C10orf67: variants seen among roughly 807,000 people sequenced by gnomAD.
C10orf67 encodes uncharacterized protein C10orf67, mitochondrial.
Under a neutral mutation model 35.6 loss-of-function variants are expected in C10orf67, and 60 were observed. The observed-to-expected ratio is 1.68, with a 90% CI of 1.37 to 2.09. C10orf67 has a LOEUF of 2.09. C10orf67 is among the 30% of genes most tolerant of loss of function. The probability of loss-of-function intolerance (pLI) is 0.00; values close to 1 mark genes in which losing one functional copy is unlikely to be tolerated. For missense variants in C10orf67, 474 were observed against 330.2 expected, an observed-to-expected ratio of 1.44 and a Z score of -3.38; for synonymous variants, 167 against 115.8, an observed-to-expected ratio of 1.44 and a Z score of -2.84.
chr10:23,246,845 G>T (rs58625579), intron 12 of C10orf67, among the ~76,000 whole-genome samples: 2 of 152,152 alleles, frequency 1.3e-5, no homozygotes, highest in Admixed American at 6.5e-5. Flanking sequence ...GTATGTTTGA[G>T]ACAGGGTCTC....
chr10:23,278,623 G>A (rs1203927278), intron 8 of C10orf67, among the ~76,000 whole-genome samples: 3 of 152,162 alleles, frequency 2.0e-5, no homozygotes, highest in Non-Finnish European at 4.4e-5. Flanking sequence ...ACGCCAGCAT[G>A]AGGGTGGGCA....
intron 5 of C10orf67, among the ~76,000 whole-genome samples, chr10:23,299,683 A>G (rs1844004663): frequency 6.6e-6 from 1 of 152,124 alleles, no homozygotes; most frequent in African/African-American, 2.4e-5. Context: ...ACAGGAGAGT[A>G]AGACTGAGAA....
At chr10:23,227,918 A>G (rs1358568372) in intron 13 of C10orf67, among the ~76,000 whole-genome samples, 1 of 152,210 alleles carries the variant, frequency 6.6e-6, no homozygotes, top group African/African-American at 2.4e-5. Flanking sequence ...ACTACAAACC[A>G]CTGCTCATCG....
rs1443629918 is a variant in C10orf67 at position 23,236,251 on chromosome 10, GGGAAAAAA to G, written c.1434+3470_1434+3477del. ...GCGACAGAGCGAGACTCCCTCTCGG[GGGAAAAAA>G]AAAAAAAAAAAAAAAAAAAAAAAAT... is the stretch of plus-strand genomic sequence containing the variant. On this transcript the variant is annotated intron_variant, in intron 13 of 15. Transcript: ENST00000636213. Among the ~76,000 whole-genome samples, 122 of 94,538 alleles carry G rather than the reference GGGAAAAAA, an allele frequency of 1.3e-3. 1 individual carries two copies. The highest frequency in any genetic ancestry group is 6.9e-3 in the African/African-American group (118 of 17,086). 62.0% of individuals were successfully genotyped at this position (94,538 alleles called of 152,430 possible).
intron 3 of C10orf67, among the ~76,000 whole-genome samples, chr10:23,321,632 C>T (rs75574343): frequency 0.033 from 5,056 of 152,232 alleles, 126 homozygotes; most frequent in Middle Eastern, 0.088. Context: ...CTGTAAATCA[C>T]GGACAATAGG....
At chr10:23,231,444 A>G (rs1313194648) in intron 13 of C10orf67, among the ~76,000 whole-genome samples, 1 of 152,226 alleles carries the variant, frequency 6.6e-6, no homozygotes, top group Non-Finnish European at 1.5e-5. Context: ...CAGAGCAGTA[A>G]GATTGAAGGA....
chr10:23,266,326 A>G lies in C10orf67; in HGVS notation c.1136T>C (p.Val379Ala), dbSNP rs1463095338. Residue 379 changes from valine (V) to alanine (A), a missense_variant, in exon 10 of 16, where the codon GTA (valine) becomes GCA (alanine). Coordinates refer to ENST00000636213, the MANE Select transcript of C10orf67 (RefSeq NM_001371909.1). ...ALRPHSATMS[V>A]SSAGAQKAKM... ...AGCTTTCTGGGCCCCAGCAGATGATACACTCATGGTCGCAGAATGTGGCCT... is the reference window on the plus strand; with the variant it reads ...AGCTTTCTGGGCCCCAGCAGATGATGCACTCATGGTCGCAGAATGTGGCCT... 2.5e-6 allele frequency: 1 copy of G among 398,512 alleles called. No homozygotes were observed. Among genetic ancestry groups the G allele is most frequent in the East Asian group, 3.6e-5 (1 of 28,076 alleles). The allele number at this position is 398,512 out of a possible 1,614,324, so 24.7% of individuals were successfully genotyped here.
intron 15 of C10orf67, among the ~76,000 whole-genome samples, chr10:23,211,157 C>T (rs997980193): frequency 4.7e-4 from 71 of 152,216 alleles, no homozygotes; most frequent in African/African-American, 1.6e-3. Context: ...GGGCCATGCT[C>T]CCCCTGAGAC....
intron 3 of C10orf67, 81 bp from the exon 4 acceptor site, chr10:23,320,896 A>G (rs1564511231): frequency 1.1e-6 from 1 of 892,572 alleles, no homozygotes; most frequent in Non-Finnish European, 1.7e-6. Context: ...GACTCATAGT[A>G]AAAAAACATC....
chr10:23,202,654 GA>G (rs1422592918), downstream of C10orf67: 1 of 152,204 alleles, frequency 6.6e-6, no homozygotes, highest in African/African-American at 2.4e-5. Flanking sequence ...CTCCCAACCT[GA>G]AATTGGCTGA....
Position 23,320,808 on chromosome 10 carries a change from T to A in C10orf67, c.479A>T (p.Asp160Val). The A allele has an allele frequency of 9.5e-6, 15 of 1,578,074 alleles. No individual in the cohort carries two copies. The highest frequency in any genetic ancestry group is 1.2e-5 in the Non-Finnish European group (14 of 1,160,046). ...EIEKHYQQNE[D>V]KMRKSFNQQL... is the part of the protein sequence containing the mutation. ...CTGATTGAAGGATTTTCTCATCTTA[T>A]CCTCATTCTGCAAACAAAAATAAAT... The change falls in exon 4 of 16, where the codon GAT becomes GTT. Residue 160 changes from aspartate to valine, a missense_variant. Transcript: ENST00000636213.
intron 8 of C10orf67, among the ~76,000 whole-genome samples, chr10:23,278,863 G>A (rs1843275008): frequency 6.6e-6 from 1 of 152,190 alleles, no homozygotes; most frequent in Admixed American, 6.5e-5. Context: ...ATGGCTGCAA[G>A]AATTCATGGG....
chr10:23,338,688 C>T (rs150132756), intron 1 of C10orf67, among the ~76,000 whole-genome samples: 264 of 152,178 alleles, frequency 1.7e-3, no homozygotes, highest in Admixed American at 3.9e-3. Context: ...AGAAGTGGCT[C>T]GCCTAATAGG....
intron 13 of C10orf67, 142 bp from the exon 14 acceptor site, chr10:23,223,960 A>G: frequency 3.2e-6 from 2 of 619,712 alleles, no homozygotes. Flanking sequence ...TGGCTGCGGA[A>G]ATCCTTTTCT....
At chr10:23,231,294 T>A (rs902225180) in intron 13 of C10orf67, among the ~76,000 whole-genome samples, 1 of 152,200 alleles carries the variant, frequency 6.6e-6, no homozygotes, top group African/African-American at 2.4e-5. Flanking sequence ...GTAGAAGTGA[T>A]ATGTGCAATT....
At chr10:23,276,258 A>G (rs1004914209) in intron 8 of C10orf67, among the ~76,000 whole-genome samples, 6 of 152,020 alleles carry the variant, frequency 3.9e-5, no homozygotes, top group Non-Finnish European at 7.4e-5. Flanking sequence ...GAACAGACAA[A>G]CCCATGACCC....
At chr10:23,236,253 GAAAAAAA>G (rs368833212) in intron 13 of C10orf67, among the ~76,000 whole-genome samples, 5 of 75,802 alleles carry the variant, frequency 6.6e-5, no homozygotes, top group African/African-American at 3.0e-4. Context: ...CCTCTCGGGG[GAAAAAAA>G]AAAAAAAAAA....
chr10:23,282,645 A>T (rs1374428103), intron 7 of C10orf67, among the ~76,000 whole-genome samples: 1 of 152,120 alleles, frequency 6.6e-6, no homozygotes, highest in Non-Finnish European at 1.5e-5. Context: ...AGCCTGACCC[A>T]CATGGTGAAA....
At chr10:23,320,862 T>A in intron 3 of C10orf67, 47 bp from the exon 4 acceptor site, 1 of 1,286,066 alleles carries the variant, frequency 7.8e-7, no homozygotes, top group Non-Finnish European at 1.1e-6. Flanking sequence ...TATTTCCAAA[T>A]ATGACCCACA....
Sources: allele counts gnomAD v4.1 joint callset (sites outside exome capture counted in the v4.1 genomes callset), GRCh38; gene constraint gnomAD v4.1.1; transcripts MANE v1.5; gene names NCBI Gene and HGNC (gene_info 2026-07-23, HGNC 2026-07-21).